OTOF: variants seen among roughly 807,000 people sequenced by gnomAD.
OTOF encodes the protein fer-1-like family member 2.
Under a neutral mutation model 236.8 loss-of-function variants are expected in OTOF, and 218 were observed. The ratio of observed to expected loss-of-function variants is 0.92; its 90% CI spans 0.82 to 1.03. The LOEUF is 1.03. Among genes scored for constraint, OTOF ranks in the 50% least tolerant of loss-of-function variants. The pLI is 0.00. For synonymous variants in OTOF, 1,041 were observed against 1,072.5 expected, an observed-to-expected ratio of 0.97 and a Z score of 0.57; for missense variants, 2,590 against 2,694.4, an observed-to-expected ratio of 0.96 and a Z score of 0.86.
At chr2:26,508,704 C>T (rs1020572593) in intron 5 of OTOF, among the ~76,000 whole-genome samples, 4 of 152,236 alleles carry the variant, frequency 2.6e-5, no homozygotes, top group African/African-American at 7.2e-5. Context: ...TCTTGTTTCT[C>T]TACTTCAACT....
At chr2:26,526,813 G>T (rs777185891) in intron 3 of OTOF, among the ~76,000 whole-genome samples, 1 of 152,118 alleles carries the variant, frequency 6.6e-6, no homozygotes, top group Non-Finnish European at 1.5e-5. Flanking sequence ...ATACCTTCTT[G>T]GACATGTTAC....
At position 26,465,121 on chromosome 2, in the gene OTOF, T is replaced by C. The variant is rs528772950; in HGVS notation, c.4800-92A>G. 4 of 1,173,404 alleles carry C rather than the reference T, an allele frequency of 3.4e-6. No individual in the cohort carries two copies. The South Asian group carries it at 8.0e-5, about 23-fold the overall frequency. The allele number at this position is 1,173,404 out of a possible 1,614,324, so 72.7% of individuals were successfully genotyped here. On this transcript the variant is annotated intron_variant, in intron 38 of 46. Transcript: ENST00000272371. ...TCGTGGCCAGTTCTCTAAAGTTGGC[T>C]GTTGCCCTCATCAGCAAGTGAGCCT...
rs200185262 is a variant in OTOF at position 26,527,891 on chromosome 2, G to C, written c.168C>G (p.Ile56Met). Residue 56 changes from isoleucine to methionine, a missense_variant, in exon 3 of 47, where the codon ATC (isoleucine) becomes ATG (methionine). Physicochemically the swap from Ile to Met is conservative, Grantham distance 10 (BLOSUM62 1). Around this residue, in one of 2 missense-constraint regions of OTOF, gnomAD observed 1,379 missense variants for 1,341.6 expected, o/e 1.03. Transcript: ENST00000272371. ...GAATCTCCAGCATCTCATTTCTGTCGATGCTGCTGGCCACCGGCCACCGAA... is the reference window on the plus strand; with the variant it reads ...GAATCTCCAGCATCTCATTTCTGTCCATGCTGCTGGCCACCGGCCACCGAA... ...ETFRWPVASS[I>M]DRNEMLEIQV... is the part of the protein sequence containing the mutation. 2.5e-6 allele frequency: 4 copies of C among 1,613,908 alleles called. No homozygotes were observed. The highest frequency in any genetic ancestry group is 1.7e-5 in the Admixed American group (1 of 59,994).
chr2:26,522,768 C>T (rs1666707752), intron 3 of OTOF, among the ~76,000 whole-genome samples: 1 of 152,204 alleles, frequency 6.6e-6, no homozygotes, highest in Non-Finnish European at 1.5e-5. Flanking sequence ...TGCTGTGTGA[C>T]CCTGGACAAG....
chr2:26,520,537 G>A (rs1394453118), intron 3 of OTOF, among the ~76,000 whole-genome samples: 1 of 152,160 alleles, frequency 6.6e-6, no homozygotes, highest in Admixed American at 6.5e-5. Context: ...CCACCTCCCT[G>A]AGGATGAAAC....
intron 1 of OTOF, among the ~76,000 whole-genome samples, chr2:26,551,069 A>T (rs1234850862): frequency 6.6e-6 from 1 of 152,078 alleles, no homozygotes; most frequent in Non-Finnish European, 1.5e-5. Flanking sequence ...GGCTCACTGC[A>T]GCCTCTGCCT....
At chr2:26,467,559 T>G in intron 33 of OTOF, 58 bp from the exon 34 acceptor site, 1 of 1,577,966 alleles carries the variant, frequency 6.3e-7, no homozygotes. Context: ...AAGGCCTGGA[T>G]TCGAGACCCA....
chr2:26,549,232 G>A (rs956732728), intron 1 of OTOF, among the ~76,000 whole-genome samples: 1 of 151,984 alleles, frequency 6.6e-6, no homozygotes, highest in African/African-American at 2.4e-5. Flanking sequence ...TTCCACTATG[G>A]TCAGAGAACA....
At position 26,467,251 on chromosome 2, in the gene OTOF, G is replaced by C; in HGVS notation, c.4228-18C>G. On this transcript the variant is annotated intron_variant, in intron 34 of 46. Coordinates refer to ENST00000272371, the MANE Select transcript of OTOF (RefSeq NM_194248.3). ...GGGTATACCTGAGACAGACCAGGCT[G>C]TTAGGGGGCGGCTGCCTGGTCTCTG... 1 of 1,614,112 alleles carries C rather than the reference G, an allele frequency of 6.2e-7. No homozygotes were observed. The highest frequency in any genetic ancestry group is 8.5e-7 in the Non-Finnish European group (1 of 1,180,034).
rs749332831 is a variant in OTOF, at chr2:26,464,935, G to T, written c.4894C>A (p.Pro1632Thr). The change falls in exon 39 of 47, where the codon CCC becomes ACC. Residue 1632 changes from proline (P) to threonine (T), a missense_variant. Coordinates refer to ENST00000272371, the MANE Select transcript of OTOF (RefSeq NM_194248.3). ...DGKVDGPHFG[P>T]PGRVKVANRV... is the part of the protein sequence containing the mutation. ...TTGGCCACCTTCACTCTCCCAGGGG[G>T]CCCAAAGTGGGGGCCGTCCACTTTG... is the stretch of plus-strand genomic sequence containing the variant. 6.3e-7 allele frequency: 1 copy of T among 1,582,216 alleles called. No homozygotes were observed. The highest frequency in any genetic ancestry group is 1.2e-5 in the South Asian group (1 of 85,368).
chr2:26,483,857 T>A (rs1294419881), intron 12 of OTOF, among the ~76,000 whole-genome samples: 1 of 152,260 alleles, frequency 6.6e-6, no homozygotes, highest in Non-Finnish European at 1.5e-5. Context: ...TTCCTCACTG[T>A]TGAGGTGGCT....
At chr2:26,466,227 G>A in intron 36 of OTOF, 151 bp from the exon 37 acceptor site, 1 of 883,910 alleles carries the variant, frequency 1.1e-6, no homozygotes, top group Non-Finnish European at 1.8e-6. Flanking sequence ...CCCTAGGCAA[G>A]TGGCTACCCC....
At position 26,473,103 on chromosome 2, in the gene OTOF, G is replaced by A. The variant is rs1665073746; in HGVS notation, c.3733+29C>T. On this transcript the variant is annotated intron_variant, in intron 29 of 46. Coordinates refer to ENST00000272371, the MANE Select transcript of OTOF (RefSeq NM_194248.3). This position sits in a 1 kb window ranked among gnomAD's most constrained non-coding sequence, Gnocchi z 7.2. Reference sequence around the variant, plus strand: ...CCTTCCCTGGGGGGCGTGGAGCCAGGCTTGGTGGCAGGGTGGATGTGGCCA... The same window carrying A: ...CCTTCCCTGGGGGGCGTGGAGCCAGACTTGGTGGCAGGGTGGATGTGGCCA... The A allele has an allele frequency of 1.2e-6, 2 of 1,604,168 alleles. No individual in the cohort carries two copies. Among genetic ancestry groups the A allele is most frequent in the Middle Eastern group, 2.0e-4 (1 of 5,008 alleles).
chr2:26,552,369 G>A (rs1432173791), intron 1 of OTOF, among the ~76,000 whole-genome samples: 3 of 152,128 alleles, frequency 2.0e-5, no homozygotes, highest in Non-Finnish European at 4.4e-5. Flanking sequence ...CAGCGTGGGC[G>A]ACAGAAAAAA....
At chr2:26,471,077 A>G (rs1664952508) in intron 31 of OTOF, 44 bp downstream of exon 31, 17 of 1,610,890 alleles carry the variant, frequency 1.1e-5, no homozygotes, top group Non-Finnish European at 1.4e-5. Flanking sequence ...TTGCCAATAA[A>G]GGACCCTCTC....
At position 26,461,577 on chromosome 2, in the gene OTOF, G is replaced by A; in HGVS notation, c.5533+119C>T. Reference sequence around the variant, plus strand: ...CCCGTCGGACACCCCTGGCTCTGATGGACTGGAAGCAATGACCCCTTGTCC... The same window carrying A: ...CCCGTCGGACACCCCTGGCTCTGATAGACTGGAAGCAATGACCCCTTGTCC... On this transcript the variant is annotated intron_variant, in intron 43 of 46. Coordinates refer to ENST00000272371, the MANE Select transcript of OTOF (RefSeq NM_194248.3). The surrounding 1 kb of genome is among the most constrained non-coding windows in gnomAD (Gnocchi z 6.2). 7.1e-7 allele frequency: 1 copy of A among 1,400,878 alleles called. No individual in the cohort carries two copies. The highest frequency in any genetic ancestry group is 9.9e-7 in the Non-Finnish European group (1 of 1,011,706). 86.8% of individuals were successfully genotyped at this position (1,400,878 alleles called of 1,614,324 possible).
rs1027260741 is a variant in OTOF, at chr2:26,505,506, A to G, written c.510-1661T>C. ...CCAAAGGCCTTTCTAGATGTCTGCA[A>G]TGTCTGCAGATGTCTGCTCATTTCA... On this transcript the variant is annotated intron_variant, in intron 5 of 46. Transcript: ENST00000272371. Among the ~76,000 whole-genome samples, 10 of 152,166 alleles carry G rather than the reference A, an allele frequency of 6.6e-5. No homozygotes were observed. The East Asian group carries it at 7.7e-4, about 12-fold the overall frequency.
At chr2:26,478,049 G>T in intron 18 of OTOF, 1 of 1,432,252 alleles carries the variant, frequency 7.0e-7, no homozygotes, top group Middle Eastern at 2.6e-4. Flanking sequence ...ACGGCTACGG[G>T]GCTCAGGGCT....
At chr2:26,510,851 C>A in intron 5 of OTOF, 1 of 631,704 alleles carries the variant, frequency 1.6e-6, no homozygotes. Flanking sequence ...GCACGCTCCC[C>A]GGGGGCCTCC....
Sources: allele counts gnomAD v4.1 joint callset (sites outside exome capture counted in the v4.1 genomes callset), GRCh38; gene constraint gnomAD v4.1.1; regional missense constraint gnomAD v4.1.1; non-coding constraint Gnocchi (gnomAD v3.1); transcripts MANE v1.5; gene names NCBI Gene and HGNC (gene_info 2026-07-23, HGNC 2026-07-21).